Variants in ASB18 observed in about 807,000 individuals in gnomAD.
ASB18 encodes ankyrin repeat and SOCS box containing 18.
In ASB18, 33 loss-of-function variants were observed where a neutral mutation model predicts 33.4. That is an observed-to-expected ratio of 0.99 (90% CI 0.75 to 1.32). The LOEUF (loss-of-function observed/expected upper bound fraction) is 1.32. Ranked by LOEUF, ASB18 falls within the 40% of genes most tolerant of loss-of-function variation. The pLI is 0.00. For missense variants in ASB18, 694 were observed against 655.5 expected (o/e 1.06, Z -0.64); for synonymous variants, 295 against 307.6 (o/e 0.96, Z 0.43).
At chr2:236,202,143 G>A (rs1172985292) in intron 4 of ASB18, among the ~76,000 whole-genome samples, 2 of 151,974 alleles carry the variant, frequency 1.3e-5, no homozygotes, top group Non-Finnish European at 2.9e-5. Flanking sequence ...TAGAGATGGG[G>A]TTTCACCATG....
rs984091052 is a variant in ASB18, at chr2:236,200,972, C to T, written c.1102-4587G>A. 6.6e-6 allele frequency among the ~76,000 whole-genome samples: 1 copy of T among 152,140 alleles called. No homozygotes were observed. Among genetic ancestry groups the T allele is most frequent in the Non-Finnish European group, 1.5e-5 (1 of 68,030 alleles). On this transcript the variant is annotated intron_variant, in intron 4 of 5. Coordinates refer to ENST00000409749, the MANE Select transcript of ASB18 (RefSeq NM_212556.4). This position sits in a 1 kb window ranked among gnomAD's most constrained non-coding sequence, Gnocchi z 4.2. ...AGGTATGTTTTGTTTGTCTTTCATGCTCCTTGGATTGACTGCTCAGTTAAT... is the reference window on the plus strand; with the variant it reads ...AGGTATGTTTTGTTTGTCTTTCATGTTCCTTGGATTGACTGCTCAGTTAAT...
In ASB18 at chr2:236,238,087, AGAG is replaced by A. The variant is rs1482023436; in HGVS notation, c.329-134_329-132del. On this transcript the variant is annotated intron_variant, in intron 2 of 5. Coordinates refer to ENST00000409749, the MANE Select transcript of ASB18 (RefSeq NM_212556.4). The surrounding 1 kb of genome is among the most constrained non-coding windows in gnomAD (Gnocchi z 5.2). The stretch of plus-strand genomic sequence containing the variant: ...GGTACCAGGTAGGCATGTAGGGAGA[AGAG>A]GATAGAATCAGAGACGCACACAGAG... The A allele has an allele frequency of 4.4e-6, 3 of 678,646 alleles. No homozygotes were observed. The East Asian group carries it at 1.0e-4, about 23-fold the overall frequency. The allele number at this position is 678,646 out of a possible 1,614,324, so 42.0% of individuals were successfully genotyped here.
At position 236,241,982 on chromosome 2, in the gene ASB18, AT is replaced by A. The variant is rs987266299; in HGVS notation, c.206-581del. Among the ~76,000 whole-genome samples, 72 of 151,868 alleles carry A rather than the reference AT, an allele frequency of 4.7e-4. No homozygotes were observed. The highest frequency in any genetic ancestry group is 1.4e-3 in the African/African-American group (57 of 41,446). On this transcript the variant is annotated intron_variant, in intron 1 of 5. Transcript: ENST00000409749. This position sits in a 1 kb window ranked among gnomAD's most constrained non-coding sequence, Gnocchi z 4.2. ...TAGCAAATAAGTAATATCCTCTCAG[AT>A]TTTTTTTTAAAGTACTATATTTGGA... is the stretch of plus-strand genomic sequence containing the variant.
In ASB18 at chr2:236,214,760, C is replaced by A. The variant is rs1392367273; in HGVS notation, c.703G>T (p.Ala235Ser). 2.5e-6 allele frequency: 3 copies of A among 1,181,166 alleles called. No individual in the cohort carries two copies. The highest frequency in any genetic ancestry group is 3.1e-6 in the Non-Finnish European group (3 of 955,746). The allele number at this position is 1,181,166 out of a possible 1,614,324, so 73.2% of individuals were successfully genotyped here. A position where few individuals can be genotyped will look rare whatever the true frequency, so the allele number is the denominator to read the frequency against. ...VAAQRGLDEH[A>S]RLYLGRGAHV... ...GCCCCGCGGCCCAGGTACAGGCGCG[C>A]GTGCTCGTCCAGGCCGCGCTGCGCC... is the stretch of plus-strand genomic sequence containing the variant. Residue 235 changes from alanine (A) to serine (S), a missense_variant, in exon 4 of 6, where the codon GCG becomes TCG. Physicochemically the swap from Ala to Ser is moderately conservative, Grantham distance 99. Coordinates refer to ENST00000409749, the MANE Select transcript of ASB18 (RefSeq NM_212556.4). The surrounding 1 kb of genome is among the most constrained non-coding windows in gnomAD (Gnocchi z 6.5).
Position 236,245,799 on chromosome 2 carries a change from G to A in ASB18, c.206-4397C>T, listed in dbSNP as rs2060642067. ...TGCCCCGCATGGTGTTCCACACAGA[G>A]AAGGTCTTCAATGCCAACAGTGAAG... On this transcript the variant is annotated intron_variant, in intron 1 of 5. Transcript: ENST00000409749. The surrounding 1 kb of genome is among the most constrained non-coding windows in gnomAD (Gnocchi z 4.7). 6.6e-6 allele frequency among the ~76,000 whole-genome samples: 1 copy of A among 152,208 alleles called. No individual in the cohort carries two copies. The highest frequency in any genetic ancestry group is 2.4e-5 in the African/African-American group (1 of 41,466).
In ASB18 at chr2:236,252,518, A is replaced by C. The variant is rs1233079625; in HGVS notation, c.206-11116T>G. ...GAGCAAAGTGACAGGGAGGTGTAGG[A>C]CACGGAAGGTGCATTTCCTCCCCAG... is the stretch of plus-strand genomic sequence containing the variant. On this transcript the variant is annotated intron_variant, in intron 1 of 5. Coordinates refer to ENST00000409749, the MANE Select transcript of ASB18 (RefSeq NM_212556.4). The surrounding 1 kb of genome is among the most constrained non-coding windows in gnomAD (Gnocchi z 7.9). 6.6e-6 allele frequency among the ~76,000 whole-genome samples: 1 copy of C among 152,044 alleles called. No homozygotes were observed. The highest frequency in any genetic ancestry group is 3.2e-3 in the Middle Eastern group (1 of 316).
At position 236,260,346 on chromosome 2, in the gene ASB18, C is replaced by G. The variant is rs1298131254; in HGVS notation, c.205+3795G>C. On this transcript the variant is annotated intron_variant, in intron 1 of 5. Coordinates refer to ENST00000409749, the MANE Select transcript of ASB18 (RefSeq NM_212556.4). The surrounding 1 kb of genome is among the most constrained non-coding windows in gnomAD (Gnocchi z 5.1). The stretch of plus-strand genomic sequence containing the variant: ...GCCCAGCCCTGTTTTCCTGTGTTAT[C>G]ATTCCTTCCTCTTCACATTCCTCCT... Among the ~76,000 whole-genome samples, 1 of 152,186 alleles carries G rather than the reference C, an allele frequency of 6.6e-6. No individual in the cohort carries two copies. Among genetic ancestry groups the G allele is most frequent in the Non-Finnish European group, 1.5e-5 (1 of 68,040 alleles).
rs111994715 is a variant in ASB18, at chr2:236,221,224, GCAACAACAA to G, written c.597-6367_597-6359del. The stretch of plus-strand genomic sequence containing the variant: ...CAAAAGATGATGCTGACTGAGCAAT[GCAACAACAA>G]CAACAACAACAACAAACAGCTGCTA... On this transcript the variant is annotated intron_variant, in intron 3 of 5. Transcript: ENST00000409749. This position sits in a 1 kb window ranked among gnomAD's most constrained non-coding sequence, Gnocchi z 5.6. Among the ~76,000 whole-genome samples the G allele has an allele frequency of 3.4e-5, 5 of 146,540 alleles. No individual in the cohort carries two copies. Among genetic ancestry groups the G allele is most frequent in the Non-Finnish European group, 4.4e-5 (3 of 67,786 alleles).
rs1001848140 is a variant in ASB18, at chr2:236,211,336, C to T, written c.1101+3026G>A. Among the ~76,000 whole-genome samples, 1 of 152,244 alleles carries T rather than the reference C, an allele frequency of 6.6e-6. No individual in the cohort carries two copies. Among genetic ancestry groups the T allele is most frequent in the Admixed American group, 6.5e-5 (1 of 15,288 alleles). ...GCAGAAAGGCCTGGCACTGTCAACACGTGGGCTTCCGAAGCCGTGACACTA... is the reference window on the plus strand; with the variant it reads ...GCAGAAAGGCCTGGCACTGTCAACATGTGGGCTTCCGAAGCCGTGACACTA... On this transcript the variant is annotated intron_variant, in intron 4 of 5. Coordinates refer to ENST00000409749, the MANE Select transcript of ASB18 (RefSeq NM_212556.4). This position sits in a 1 kb window ranked among gnomAD's most constrained non-coding sequence, Gnocchi z 5.0.
In ASB18 at chr2:236,203,368, C is replaced by T. The variant is rs576066818; in HGVS notation, c.1102-6983G>A. ...ACAAGAGTGTTCTAGGCAGAGAAAA[C>T]GTATTATGCCAGGTTTGGGAGGTGA... On this transcript the variant is annotated intron_variant, in intron 4 of 5. Transcript: ENST00000409749. The surrounding 1 kb of genome is among the most constrained non-coding windows in gnomAD (Gnocchi z 6.0). 2.2e-4 allele frequency among the ~76,000 whole-genome samples: 34 copies of T among 152,176 alleles called. No individual in the cohort carries two copies. In the East Asian group the frequency reaches 2.7e-3, roughly 12 times the overall value.
At chr2:236,202,003 G>C (rs970005960) in intron 4 of ASB18, among the ~76,000 whole-genome samples, 21 of 151,706 alleles carry the variant, frequency 1.4e-4, no homozygotes, top group Non-Finnish European at 2.8e-4. Flanking sequence ...AGGCTGGGGT[G>C]CAATCACGAG....
chr2:236,208,304 C>T lies in ASB18; in HGVS notation c.1101+6058G>A, dbSNP rs942312303. On this transcript the variant is annotated intron_variant, in intron 4 of 5. Transcript: ENST00000409749. This position sits in a 1 kb window ranked among gnomAD's most constrained non-coding sequence, Gnocchi z 7.7. ...CACATGTTGATATTTCTGGCTCACA[C>T]GAGCCCCACTAACATGCCATTTCCT... 6.6e-5 allele frequency among the ~76,000 whole-genome samples: 10 copies of T among 152,150 alleles called. No homozygotes were observed. Among genetic ancestry groups the T allele is most frequent in the East Asian group, 1.9e-4 (1 of 5,184 alleles).
rs2060536307 is a variant in ASB18 at position 236,226,103 on chromosome 2, C to T, written c.597-11237G>A. On this transcript the variant is annotated intron_variant, in intron 3 of 5. Coordinates refer to ENST00000409749, the MANE Select transcript of ASB18 (RefSeq NM_212556.4). This position sits in a 1 kb window ranked among gnomAD's most constrained non-coding sequence, Gnocchi z 4.8. ...GAAGCCAGACCTCCTCAGAGTATGA[C>T]TTTAGGGGGACTCTTTAGAGCTGAA... Among the ~76,000 whole-genome samples, 1 of 152,160 alleles carries T rather than the reference C, an allele frequency of 6.6e-6. No homozygotes were observed. Among genetic ancestry groups the T allele is most frequent in the Non-Finnish European group, 1.5e-5 (1 of 68,024 alleles).
At chr2:236,197,199 G>T (rs1377123966) in intron 4 of ASB18, among the ~76,000 whole-genome samples, 3 of 151,956 alleles carry the variant, frequency 2.0e-5, no homozygotes, top group Non-Finnish European at 4.4e-5. Flanking sequence ...AAGAAACAAA[G>T]ATAATATTAT....
In ASB18 at chr2:236,257,105, T is replaced by A. The variant is rs1053707990; in HGVS notation, c.205+7036A>T. ...TGGGTGAATCAATTCAGGCAGCGCA[T>A]AATTGAGTCTGTTAGCAAGGACTTT... On this transcript the variant is annotated intron_variant, in intron 1 of 5. Transcript: ENST00000409749. The surrounding 1 kb of genome is among the most constrained non-coding windows in gnomAD (Gnocchi z 5.5). 6.6e-6 allele frequency among the ~76,000 whole-genome samples: 1 copy of A among 152,238 alleles called. No individual in the cohort carries two copies. The highest frequency in any genetic ancestry group is 2.4e-5 in the African/African-American group (1 of 41,466).
At position 236,193,492 on chromosome 2, in the gene ASB18, C is replaced by T. The variant is rs1164474926; in HGVS notation, c.*1380G>A. On this transcript the variant is annotated 3_prime_UTR_variant, in exon 6 of 6. Transcript: ENST00000409749. This position sits in a 1 kb window ranked among gnomAD's most constrained non-coding sequence, Gnocchi z 5.0. ...TGTTTAATGTCATTTTATTATAACA[C>T]CGATAAGAAACAAAACTGATTCGGC... Among the ~76,000 whole-genome samples the T allele has an allele frequency of 2.0e-5, 3 of 152,146 alleles. No individual in the cohort carries two copies. The highest frequency in any genetic ancestry group is 4.4e-5 in the Non-Finnish European group (3 of 68,016).
In ASB18 at chr2:236,234,043, A is replaced by G. The variant is rs1417015690; in HGVS notation, c.596+3646T>C. 6.6e-6 allele frequency among the ~76,000 whole-genome samples: 1 copy of G among 152,258 alleles called. No individual in the cohort carries two copies. Among genetic ancestry groups the G allele is most frequent in the African/African-American group, 2.4e-5 (1 of 41,476 alleles). ...AAGACAGTATGGTATTGGTGTTAAAACAGGCAAATAGAGCAATGAAACAGA... is the reference window on the plus strand; with the variant it reads ...AAGACAGTATGGTATTGGTGTTAAAGCAGGCAAATAGAGCAATGAAACAGA... On this transcript the variant is annotated intron_variant, in intron 3 of 5. Transcript: ENST00000409749. The surrounding 1 kb of genome is among the most constrained non-coding windows in gnomAD (Gnocchi z 4.1).
chr2:236,248,850 C>T lies in ASB18; in HGVS notation c.206-7448G>A, dbSNP rs1179038287. 1 of 152,180 alleles carries T rather than the reference C, an allele frequency of 6.6e-6. No homozygotes were observed. Among genetic ancestry groups the T allele is most frequent in the Non-Finnish European group, 1.5e-5 (1 of 68,034 alleles). The allele number at this position is 152,180 out of a possible 1,614,324, so 9.4% of individuals were successfully genotyped here. A position where few individuals can be genotyped will look rare whatever the true frequency, so the allele number is the denominator to read the frequency against. ...TCCAAAAGGTCTCCACAGGTCAGAGCAACAGGCCGATTCAATCAATGCCAC... is the reference window on the plus strand; with the variant it reads ...TCCAAAAGGTCTCCACAGGTCAGAGTAACAGGCCGATTCAATCAATGCCAC... On this transcript the variant is annotated intron_variant, in intron 1 of 5. Coordinates refer to ENST00000409749, the MANE Select transcript of ASB18 (RefSeq NM_212556.4). The surrounding 1 kb of genome is among the most constrained non-coding windows in gnomAD (Gnocchi z 4.9).
rs191731897 is a variant in ASB18 at position 236,200,074 on chromosome 2, C to T, written c.1102-3689G>A. On this transcript the variant is annotated intron_variant, in intron 4 of 5. Transcript: ENST00000409749. This position sits in a 1 kb window ranked among gnomAD's most constrained non-coding sequence, Gnocchi z 4.2. ...AGAAAAGAGATGGAGAAGCCAGGCA[C>T]GGTGGCTCACTCCTGTAATTCCAGC... Among the ~76,000 whole-genome samples the T allele has an allele frequency of 2.6e-5, 4 of 152,230 alleles. No individual in the cohort carries two copies. The highest frequency in any genetic ancestry group is 2.0e-4 in the Admixed American group (3 of 15,270).
Sources: allele counts gnomAD v4.1 joint callset (sites outside exome capture counted in the v4.1 genomes callset), GRCh38; gene constraint gnomAD v4.1.1; non-coding constraint Gnocchi (gnomAD v3.1); transcripts MANE v1.5; gene names NCBI Gene and HGNC (gene_info 2026-07-23, HGNC 2026-07-21).